DLGAP1: variants seen among roughly 807,000 people sequenced by gnomAD.
DLGAP1 encodes the protein disks large-associated protein 1.
DLGAP1 carries 11 observed loss-of-function variants against 90.8 expected under a neutral mutation model. The ratio of observed to expected loss-of-function variants is 0.12; its 90% CI spans 0.08 to 0.20. The LOEUF (loss-of-function observed/expected upper bound fraction) is 0.20, where lower values mean the gene tolerates loss of function less well. Among genes scored for constraint, DLGAP1 ranks in the 10% least tolerant of loss-of-function variants. DLGAP1 has a pLI of 1.00. For synonymous variants in DLGAP1, 558 were observed against 540.7 expected (o/e 1.03, Z -0.44); for missense variants, 1,050 against 1,333.8 (o/e 0.79, Z 3.31).
chr18:3,726,378 C>T (rs981444902), intron 7 of DLGAP1, among the ~76,000 whole-genome samples: 1 of 151,550 alleles, frequency 6.6e-6, no homozygotes, highest in Non-Finnish European at 1.5e-5. Context: ...AAGGAAACTA[C>T]AGGAAGAAAA....
chr18:4,087,533 C>T (rs1471448017), intron 2 of DLGAP1, among the ~76,000 whole-genome samples: 2 of 152,132 alleles, frequency 1.3e-5, no homozygotes, highest in Non-Finnish European at 2.9e-5. Flanking sequence ...AATCTTATGA[C>T]TGGCTTGCTG....
chr18:3,977,434 G>GGTTTTTTTTTTTTTTTTTT (rs767760816), intron 3 of DLGAP1, among the ~76,000 whole-genome samples: 6 of 95,332 alleles, frequency 6.3e-5, no homozygotes, highest in African/African-American at 1.3e-4. Context: ...TTTATTCTGT[G>GGTTTTTTTTTTTTTTTTTT]TTTTTTTTTT....
chr18:4,156,845 G>C (rs1257443003), intron 1 of DLGAP1, among the ~76,000 whole-genome samples: 1 of 152,120 alleles, frequency 6.6e-6, no homozygotes, highest in Admixed American at 6.5e-5. Flanking sequence ...ATAAGATGAA[G>C]AAGATGCAGA....
chr18:4,249,447 CAAAAAA>C (rs11301773), intron 1 of DLGAP1, among the ~76,000 whole-genome samples: 5 of 101,584 alleles, frequency 4.9e-5, no homozygotes, highest in African/African-American at 1.8e-4. Flanking sequence ...AATGTTCTGG[CAAAAAA>C]AAAAAAAAAA....
At chr18:4,278,710 C>T (rs2079476219) in intron 1 of DLGAP1, among the ~76,000 whole-genome samples, 1 of 151,014 alleles carries the variant, frequency 6.6e-6, no homozygotes, top group East Asian at 1.9e-4. Context: ...TATATATGTG[C>T]ATGTGTGTGT....
chr18:4,216,919 C>G (rs766058358), intron 1 of DLGAP1, among the ~76,000 whole-genome samples: 2 of 151,910 alleles, frequency 1.3e-5, no homozygotes, highest in Non-Finnish European at 1.5e-5. Context: ...GAGGATTCAC[C>G]GTTTGTGTTG....
At chr18:4,179,080 G>A (rs16946163) in intron 1 of DLGAP1, among the ~76,000 whole-genome samples, 4,069 of 152,264 alleles carry the variant, frequency 0.027, 157 homozygotes, top group African/African-American at 0.087. Context: ...TTGTGTAAAG[G>A]TAGCTCCTTC....
intron 1 of DLGAP1, among the ~76,000 whole-genome samples, chr18:4,275,560 T>C (rs949572190): frequency 4.6e-5 from 7 of 151,246 alleles, no homozygotes; most frequent in East Asian, 2.0e-4. Flanking sequence ...CTTCTCCCCA[T>C]GCTAGAATGT....
intron 1 of DLGAP1, among the ~76,000 whole-genome samples, chr18:4,245,610 C>T (rs2078638098): frequency 6.6e-6 from 1 of 152,148 alleles, no homozygotes; most frequent in Admixed American, 6.5e-5. Context: ...ACTACAGCAG[C>T]ACAGAGATAA....
intron 7 of DLGAP1, among the ~76,000 whole-genome samples, chr18:3,592,130 AG>A (rs2056280599): frequency 6.6e-6 from 1 of 152,210 alleles, no homozygotes. Flanking sequence ...GAAGAGCTGA[AG>A]AAAGAAGCCA....
intron 2 of DLGAP1, among the ~76,000 whole-genome samples, chr18:4,106,030 T>TAAA (rs2075859901): frequency 5.4e-5 from 1 of 18,464 alleles, no homozygotes; most frequent in African/African-American, 2.3e-4. Context: ...AGGGTCCGTC[T>TAAA]CAAAAAAAAA....
intron 3 of DLGAP1, among the ~76,000 whole-genome samples, chr18:3,932,543 T>G (rs944154046): frequency 6.6e-6 from 1 of 152,148 alleles, no homozygotes; most frequent in Middle Eastern, 3.2e-3. Context: ...CCTCCTGTGC[T>G]TCCCACGTGG....
intron 7 of DLGAP1, among the ~76,000 whole-genome samples, chr18:3,677,885 C>A (rs1265346573): frequency 6.6e-6 from 1 of 151,508 alleles, no homozygotes; most frequent in Non-Finnish European, 1.5e-5. Flanking sequence ...TCTCGAACTC[C>A]TGACCTCAAG....
At chr18:4,379,604 T>C (rs542658706) in intron 1 of DLGAP1, among the ~76,000 whole-genome samples, 4 of 152,248 alleles carry the variant, frequency 2.6e-5, no homozygotes, top group African/African-American at 9.6e-5. Context: ...TAAGCTGAGA[T>C]GGGAGCAACT....
intron 5 of DLGAP1, among the ~76,000 whole-genome samples, chr18:3,811,479 T>C (rs1412810900): frequency 6.6e-6 from 1 of 152,146 alleles, no homozygotes; most frequent in Non-Finnish European, 1.5e-5. Context: ...ACAGAAATGG[T>C]GTGGGGAAAC....
chr18:3,572,716 C>A (rs2054885174), intron 8 of DLGAP1, among the ~76,000 whole-genome samples: 2 of 152,162 alleles, frequency 1.3e-5, no homozygotes, highest in Admixed American at 6.5e-5. Flanking sequence ...TCCCAAAATA[C>A]TGGGATTACA....
chr18:4,111,039 T>G (rs529831909), intron 2 of DLGAP1, among the ~76,000 whole-genome samples: 1 of 152,282 alleles, frequency 6.6e-6, no homozygotes, highest in East Asian at 1.9e-4. Context: ...GTTATGATAT[T>G]AGCCGTGGTT....
At chr18:3,656,436 TA>T (rs1210326076) in intron 7 of DLGAP1, among the ~76,000 whole-genome samples, 1 of 152,216 alleles carries the variant, frequency 6.6e-6, no homozygotes, top group East Asian at 1.9e-4. Flanking sequence ...TATGGATCAA[TA>T]AAAGTTCACA....
intron 4 of DLGAP1, among the ~76,000 whole-genome samples, chr18:3,817,851 A>G (rs2067183902): frequency 6.6e-6 from 1 of 152,178 alleles, no homozygotes; most frequent in East Asian, 1.9e-4. Flanking sequence ...GATTTAGGAA[A>G]ATCCAAAGAA....
Sources: allele counts gnomAD v4.1 joint callset (sites outside exome capture counted in the v4.1 genomes callset), GRCh38; gene constraint gnomAD v4.1.1; transcripts MANE v1.5; gene names NCBI Gene and HGNC (gene_info 2026-07-23, HGNC 2026-07-21).